The following ERBIN variants were observed in gnomAD, a reference collection of about 807,000 sequenced individuals.
ERBIN encodes erbb2 interacting protein, also known as densin-180-like protein.
In ERBIN, 60 loss-of-function variants were observed where a neutral mutation model predicts 158.4. That is an observed-to-expected ratio of 0.38 (90% CI 0.31 to 0.47). The LOEUF (loss-of-function observed/expected upper bound fraction) is 0.47. Ranked by LOEUF, ERBIN falls within the 20% of genes least tolerant of loss-of-function variation. The pLI, the probability that ERBIN is intolerant of heterozygous loss-of-function variation, is 0.99. For missense variants in ERBIN, 1,610 were observed against 1,648.0 expected, an observed-to-expected ratio of 0.98 and a Z score of 0.40; for synonymous variants, 594 against 557.2, an observed-to-expected ratio of 1.07 and a Z score of -0.93.
At chr5:65,997,844 A>T (rs2151065019) in intron 4 of ERBIN, among the ~76,000 whole-genome samples, 1 of 152,238 alleles carries the variant, frequency 6.6e-6, no homozygotes, top group Non-Finnish European at 1.5e-5. Context: ...ACTTACTATG[A>T]AGCATTTTAG....
At position 66,025,475 on chromosome 5, in the gene ERBIN, A is replaced by G; in HGVS notation, c.818-5A>G. ...AAAATTGTATGTTGTTTCTTCCCTCATTAGGTTCGTTGAAGAATATAACAA... is the reference window on the plus strand; with the variant it reads ...AAAATTGTATGTTGTTTCTTCCCTCGTTAGGTTCGTTGAAGAATATAACAA... On this transcript the variant is annotated splice_polypyrimidine_tract_variant and splice_region_variant and intron_variant, in intron 10 of 25. Transcript: ENST00000284037. 2.5e-6 allele frequency: 4 copies of G among 1,605,984 alleles called. No individual in the cohort carries two copies. The highest frequency in any genetic ancestry group is 3.4e-6 in the Non-Finnish European group (4 of 1,173,204).
Position 66,048,670 on chromosome 5 carries a change from T to A in ERBIN, c.1792T>A (p.Ser598Thr), listed in dbSNP as rs768778067. The part of the protein sequence containing the change: ...IVNHDDVFEE[S>T]EELSSDEEMK... ...CCCCTCACCCCCTTTTCACTAGGAA[T>A]CTGAAGAACTTTCTTCTGATGAAGA... Residue 598 changes from serine (S) to threonine (T), a missense_variant, in exon 19 of 26, where the codon TCT becomes ACT. Physicochemically the swap from Ser to Thr is moderately conservative, Grantham distance 58. Coordinates refer to ENST00000284037, the MANE Select transcript of ERBIN (RefSeq NM_001253697.2). 7 of 1,600,758 alleles carry A rather than the reference T, an allele frequency of 4.4e-6. No homozygotes were observed. The South Asian group carries it at 8.0e-5, about 18-fold the overall frequency.
intron 4 of ERBIN, among the ~76,000 whole-genome samples, chr5:66,009,578 T>G (rs1440172443): frequency 6.6e-6 from 1 of 152,146 alleles, no homozygotes; most frequent in Non-Finnish European, 1.5e-5. Context: ...GAGTTAAATT[T>G]CATTGAGTTT....
chr5:66,010,933 T>G (rs1003533613), intron 4 of ERBIN, among the ~76,000 whole-genome samples: 2 of 152,230 alleles, frequency 1.3e-5, no homozygotes, highest in Non-Finnish European at 2.9e-5. Flanking sequence ...CTCAGAATCT[T>G]TCACTGCAGT....
intron 1 of ERBIN, among the ~76,000 whole-genome samples, chr5:65,986,342 C>T (rs760835495): frequency 5.3e-5 from 8 of 152,200 alleles, no homozygotes; most frequent in Non-Finnish European, 1.0e-4. Flanking sequence ...GTGGCAGCTC[C>T]GTTCCACCAG....
intron 1 of ERBIN, among the ~76,000 whole-genome samples, chr5:65,971,121 T>C (rs1283188219): frequency 6.6e-6 from 1 of 152,236 alleles, no homozygotes; most frequent in Non-Finnish European, 1.5e-5. Flanking sequence ...TTTGACCTTT[T>C]TGTGCCCAGG....
chr5:66,035,239 CCAGA>C (rs1757279749), intron 14 of ERBIN, among the ~76,000 whole-genome samples: 2 of 152,144 alleles, frequency 1.3e-5, no homozygotes, highest in African/African-American at 4.8e-5. Context: ...AGTTCTTGTG[CCAGA>C]GCTTCACATT....
chr5:65,953,951 T>C (rs927232916), intron 1 of ERBIN, among the ~76,000 whole-genome samples: 2 of 152,060 alleles, frequency 1.3e-5, no homozygotes, highest in African/African-American at 4.8e-5. Flanking sequence ...TGGATTCTTT[T>C]TTAAAATGTA....
At chr5:66,077,150 C>CAA (rs397977892) in intron 25 of ERBIN, among the ~76,000 whole-genome samples, 1,089 of 74,542 alleles carry the variant, frequency 0.015, 22 homozygotes, top group African/African-American at 0.042. Context: ...GACTCTGTCT[C>CAA]AAAAAAAAAA....
chr5:66,053,819 A>G lies in ERBIN; in HGVS notation c.2501A>G (p.Asn834Ser). Residue 834 changes from asparagine to serine, a missense_variant, in exon 21 of 26, where the codon AAT becomes AGT. This residue lies in a region of ERBIN where 1,014 missense variants were observed against 936.1 expected (regional missense o/e 1.08). Coordinates refer to ENST00000284037, the MANE Select transcript of ERBIN (RefSeq NM_001253697.2). ...TCTGAGGAAACTTCCCAGTCTCCTA[A>G]TAGGACTGAACCACATGACAGTGAT... The part of the protein sequence containing the change: ...GHSEETSQSP[N>S]RTEPHDSDCS... 2 of 1,614,068 alleles carry G rather than the reference A, an allele frequency of 1.2e-6. No homozygotes were observed. The highest frequency in any genetic ancestry group is 1.7e-6 in the Non-Finnish European group (2 of 1,180,024).
chr5:66,028,192 G>T, intron 13 of ERBIN, 82 bp from the exon 14 acceptor site: 1 of 1,009,782 alleles, frequency 9.9e-7, no homozygotes. Context: ...GCATTTTTCA[G>T]AAAACCTTTA....
chr5:65,944,583 T>G (rs1306573977), intron 1 of ERBIN, among the ~76,000 whole-genome samples: 3 of 152,106 alleles, frequency 2.0e-5, no homozygotes, highest in Non-Finnish European at 2.9e-5. Flanking sequence ...TTTTGTATTT[T>G]TAGTAGAGAT....
At chr5:65,977,641 T>C (rs1179828381) in intron 1 of ERBIN, among the ~76,000 whole-genome samples, 20 of 143,696 alleles carry the variant, frequency 1.4e-4, no homozygotes, top group Non-Finnish European at 2.4e-4. Flanking sequence ...GATGGGATGG[T>C]GGCCGGGCAG....
At chr5:65,995,996 A>G (rs1752392388) in intron 4 of ERBIN, among the ~76,000 whole-genome samples, 1 of 152,146 alleles carries the variant, frequency 6.6e-6, no homozygotes, top group Non-Finnish European at 1.5e-5. Context: ...AGTTTCTTAC[A>G]TATTTTGAAT....
At chr5:66,010,068 A>G (rs185448539) in intron 4 of ERBIN, among the ~76,000 whole-genome samples, 132 of 152,114 alleles carry the variant, frequency 8.7e-4, no homozygotes, top group African/African-American at 2.6e-3. Flanking sequence ...ATAGTTCCCA[A>G]TTTCTTGACA....
chr5:66,076,573 C>A, intron 24 of ERBIN, 165 bp downstream of exon 24: 1 of 636,052 alleles, frequency 1.6e-6, no homozygotes, highest in South Asian at 2.0e-5. Flanking sequence ...TTGATCAGTT[C>A]AAGTTAAAAC....
intron 1 of ERBIN, among the ~76,000 whole-genome samples, chr5:65,927,318 G>A (rs1742779064): frequency 6.6e-6 from 1 of 152,182 alleles, no homozygotes; most frequent in African/African-American, 2.4e-5. Flanking sequence ...TTCCAACCCT[G>A]ATCAGTATAT....
intron 1 of ERBIN, among the ~76,000 whole-genome samples, chr5:65,975,340 C>G (rs771847959): frequency 2.6e-5 from 4 of 152,124 alleles, no homozygotes; most frequent in Non-Finnish European, 4.4e-5. Flanking sequence ...GAGTCTCACT[C>G]TGTCACCCAG....
chr5:65,953,963 AACTT>A (rs1275708677), intron 1 of ERBIN, among the ~76,000 whole-genome samples: 1 of 151,888 alleles, frequency 6.6e-6, no homozygotes, highest in Non-Finnish European at 1.5e-5. Context: ...TAAAATGTAA[AACTT>A]ACTGATTTCA....
Sources: allele counts gnomAD v4.1 joint callset (sites outside exome capture counted in the v4.1 genomes callset), GRCh38; gene constraint gnomAD v4.1.1; regional missense constraint gnomAD v4.1.1; transcripts MANE v1.5; gene names NCBI Gene and HGNC (gene_info 2026-07-23, HGNC 2026-07-21).